Variants in SMARCC1 observed in about 807,000 individuals in gnomAD.
SMARCC1 encodes the protein SWI/SNF related BAF chromatin remodeling complex subunit C1.
Under a neutral mutation model 147.4 loss-of-function variants are expected in SMARCC1, and 43 were observed. The observed-to-expected ratio is 0.29, with a 90% CI of 0.23 to 0.38. SMARCC1 has a LOEUF of 0.38. SMARCC1 is among the 10% of genes least tolerant of loss of function. The pLI is 1.00. For synonymous variants in SMARCC1, 495 were observed against 484.4 expected, an observed-to-expected ratio of 1.02 and a Z score of -0.29; for missense variants, 1,119 against 1,381.1, an observed-to-expected ratio of 0.81 and a Z score of 3.01.
chr3:47,777,231 C>T (rs138333094), intron 1 of SMARCC1, among the ~76,000 whole-genome samples: 328 of 150,496 alleles, frequency 2.2e-3, no homozygotes, highest in African/African-American at 7.8e-3. Flanking sequence ...TACAGGCGCA[C>T]GCCACCACGC....
At chr3:47,736,801 A>G (rs1318215424) in intron 4 of SMARCC1, among the ~76,000 whole-genome samples, 1 of 152,206 alleles carries the variant, frequency 6.6e-6, no homozygotes, top group Non-Finnish European at 1.5e-5. Flanking sequence ...AACATATCCA[A>G]TTGTTTCCCT....
At chr3:47,779,880 A>G (rs1254884656) in intron 1 of SMARCC1, among the ~76,000 whole-genome samples, 1 of 152,238 alleles carries the variant, frequency 6.6e-6, no homozygotes, top group African/African-American at 2.4e-5. Context: ...TGTAATAAAG[A>G]AGAATTAACC....
At chr3:47,711,987 C>T (rs1206028558) in intron 8 of SMARCC1, among the ~76,000 whole-genome samples, 1 of 152,150 alleles carries the variant, frequency 6.6e-6, no homozygotes, top group Non-Finnish European at 1.5e-5. Flanking sequence ...AATCCCAGCA[C>T]TTTGGGAGGC....
chr3:47,610,129 G>T lies in SMARCC1; in HGVS notation c.2980C>A (p.Gln994Lys), dbSNP rs764256690. ...ATCAGAGGGTAGGGAGGGGGCTGTT[G>T]ATGAGGCATCATGCCAGGGTGCCCT... ...AAGHPGMMPH[Q>K]QPPPYPLMHH... is the part of the protein sequence containing the mutation. The change falls in exon 26 of 28, where the codon CAA becomes AAA. Residue 994 changes from glutamine to lysine, a missense_variant. Gln to Lys is a moderately conservative substitution (Grantham distance 53). Coordinates refer to ENST00000254480, the MANE Select transcript of SMARCC1 (RefSeq NM_003074.4). 12 of 1,613,706 alleles carry T rather than the reference G, an allele frequency of 7.4e-6. No homozygotes were observed. The highest frequency in any genetic ancestry group is 6.8e-6 in the Non-Finnish European group (8 of 1,180,036).
At chr3:47,672,567 A>G (rs2033515083) in intron 18 of SMARCC1, among the ~76,000 whole-genome samples, 1 of 152,216 alleles carries the variant, frequency 6.6e-6, no homozygotes, top group South Asian at 2.1e-4. Context: ...AGAGGTAATC[A>G]CCAATCAGAT....
At chr3:47,761,608 A>G (rs1339428494) in intron 2 of SMARCC1, among the ~76,000 whole-genome samples, 1 of 152,098 alleles carries the variant, frequency 6.6e-6, no homozygotes, top group African/African-American at 2.4e-5. Flanking sequence ...AGTGACTACG[A>G]CTGCTGATTT....
At chr3:47,647,966 T>A (rs1268565001) in intron 21 of SMARCC1, among the ~76,000 whole-genome samples, 2 of 152,212 alleles carry the variant, frequency 1.3e-5, no homozygotes, top group East Asian at 3.8e-4. Context: ...ATCAAATACT[T>A]TCTTGAATCT....
rs146455745 is a variant in SMARCC1, at chr3:47,588,910, C to T, written c.3221-604G>A. ...AAACTAGGTCATGTCCTGAAGGGAACAATTAGTATGAGTGTCTGGGACTCT... is the reference window on the plus strand; with the variant it reads ...AAACTAGGTCATGTCCTGAAGGGAATAATTAGTATGAGTGTCTGGGACTCT... On this transcript the variant is annotated intron_variant, in intron 27 of 27. Coordinates refer to ENST00000254480, the MANE Select transcript of SMARCC1 (RefSeq NM_003074.4). Among the ~76,000 whole-genome samples, 11 of 152,188 alleles carry T rather than the reference C, an allele frequency of 7.2e-5. No homozygotes were observed. The East Asian group carries it at 1.7e-3, about 24-fold the overall frequency.
At chr3:47,628,773 C>G (rs2032847434) in intron 24 of SMARCC1, among the ~76,000 whole-genome samples, 1 of 152,110 alleles carries the variant, frequency 6.6e-6, no homozygotes, top group Admixed American at 6.6e-5. Flanking sequence ...ACCGTGTTGG[C>G]CAGGCTGGTC....
chr3:47,597,821 G>A (rs1206755914), intron 26 of SMARCC1, among the ~76,000 whole-genome samples: 3 of 152,224 alleles, frequency 2.0e-5, no homozygotes, highest in African/African-American at 4.8e-5. Context: ...GGAAGGGCGA[G>A]CATGGAGCTG....
chr3:47,677,392 T>G (rs933352688), intron 16 of SMARCC1, among the ~76,000 whole-genome samples: 2 of 138,492 alleles, frequency 1.4e-5, no homozygotes, highest in Non-Finnish European at 3.1e-5. Context: ...TGAGCCACCA[T>G]GCCTGGCCGT....
chr3:47,613,979 AG>A (rs1167153302), intron 25 of SMARCC1, among the ~76,000 whole-genome samples: 1 of 136,144 alleles, frequency 7.3e-6, no homozygotes, highest in African/African-American at 2.6e-5. Flanking sequence ...TAAAGCAGGG[AG>A]GGGGGTGGGA....
At chr3:47,741,167 C>A (rs373066540) in intron 3 of SMARCC1, among the ~76,000 whole-genome samples, 2 of 151,764 alleles carry the variant, frequency 1.3e-5, no homozygotes, top group East Asian at 3.9e-4. Flanking sequence ...GACAATCCTA[C>A]GAGACAACTG....
intron 19 of SMARCC1, among the ~76,000 whole-genome samples, chr3:47,667,483 C>T (rs924382482): frequency 5.9e-5 from 9 of 152,166 alleles, no homozygotes; most frequent in Non-Finnish European, 1.2e-4. Context: ...AGAGCTATCA[C>T]GGGAGAATCA....
At chr3:47,618,576 G>A (rs2032680608) in intron 25 of SMARCC1, among the ~76,000 whole-genome samples, 1 of 151,996 alleles carries the variant, frequency 6.6e-6, no homozygotes, top group South Asian at 2.1e-4. Flanking sequence ...AGAAAAAATA[G>A]TGAAGTTATA....
intron 21 of SMARCC1, among the ~76,000 whole-genome samples, chr3:47,656,299 G>A (rs1185691381): frequency 2.0e-5 from 3 of 152,144 alleles, no homozygotes; most frequent in Non-Finnish European, 4.4e-5. Context: ...TCCTCTTTAA[G>A]ACTGATTAAA....
At chr3:47,604,205 C>T (rs554810883) in intron 26 of SMARCC1, 32 of 456,758 alleles carry the variant, frequency 7.0e-5, no homozygotes, top group African/African-American at 6.0e-4. Context: ...ACAGGCTCTA[C>T]CACTAACTGA....
intron 22 of SMARCC1, among the ~76,000 whole-genome samples, chr3:47,636,496 C>T (rs1469890048): frequency 6.6e-6 from 1 of 152,200 alleles, no homozygotes; most frequent in East Asian, 1.9e-4. Context: ...CGCCTGTAAT[C>T]CCAGCAGTCT....
intron 2 of SMARCC1, among the ~76,000 whole-genome samples, chr3:47,754,291 C>T (rs1159000029): frequency 6.6e-6 from 1 of 152,028 alleles, no homozygotes; most frequent in Non-Finnish European, 1.5e-5. Flanking sequence ...CAACCTCCGC[C>T]TCCCAGGTTC....
Sources: gnomAD v4.1 joint callset for allele counts (sites outside exome capture counted in the v4.1 genomes callset) on GRCh38, gnomAD v4.1.1 for gene constraint, MANE v1.5 for transcripts, NCBI Gene and HGNC (gene_info 2026-07-23, HGNC 2026-07-21) for gene names.